Variants in SGCD observed in about 807,000 individuals in gnomAD.
SGCD encodes sarcoglycan delta, also known as delta-sarcoglycan.
A neutral mutation model predicts 36.6 loss-of-function variants in SGCD; 18 were observed. The observed-to-expected ratio is 0.49, with a 90% CI of 0.34 to 0.73. The LOEUF (loss-of-function observed/expected upper bound fraction) is 0.73, where lower values mean the gene tolerates loss of function less well. SGCD is among the 30% of genes least tolerant of loss of function. The pLI is 0.01. For synonymous variants in SGCD, 133 were observed against 130.6 expected (o/e 1.02, Z -0.12); for missense variants, 387 against 346.7 (o/e 1.12, Z -0.92).
chr5:156,278,103 T>A (rs901569150), intron 3 of SGCD, among the ~76,000 whole-genome samples: 1 of 152,130 alleles, frequency 6.6e-6, no homozygotes, highest in African/African-American at 2.4e-5. Context: ...GAGCCAATCA[T>A]GTGGAAATAA....
chr5:155,872,984 G>A (rs775700400), intron 1 of SGCD, among the ~76,000 whole-genome samples: 6 of 152,202 alleles, frequency 3.9e-5, no homozygotes, highest in Non-Finnish European at 7.3e-5. Flanking sequence ...CTTCACAGAA[G>A]CTAGTCTGGG....
chr5:156,153,653 A>G (rs569091157), intron 3 of SGCD, among the ~76,000 whole-genome samples: 1 of 151,752 alleles, frequency 6.6e-6, no homozygotes, highest in South Asian at 2.1e-4. Context: ...CTCCATTAGT[A>G]TCCCCTCCTT....
intron 3 of SGCD, among the ~76,000 whole-genome samples, chr5:156,350,942 T>C (rs1280456346): frequency 1.3e-5 from 2 of 152,198 alleles, no homozygotes; most frequent in Non-Finnish European, 2.9e-5. Context: ...TTTGACTTCC[T>C]GTCTCAACCT....
chr5:156,179,690 C>T (rs1050019230), intron 3 of SGCD, among the ~76,000 whole-genome samples: 3 of 148,898 alleles, frequency 2.0e-5, no homozygotes, highest in African/African-American at 2.5e-5. Context: ...GGCGTGATCT[C>T]GGCTCACTGG....
chr5:156,639,571 T>C (rs1234556623), intron 6 of SGCD, among the ~76,000 whole-genome samples: 1 of 152,328 alleles, frequency 6.6e-6, no homozygotes, highest in Middle Eastern at 3.4e-3. Flanking sequence ...ATTTCTCTTG[T>C]CAAAAGGTTG....
At chr5:156,590,793 C>G (rs189884856) in intron 5 of SGCD, among the ~76,000 whole-genome samples, 269 of 151,634 alleles carry the variant, frequency 1.8e-3, no homozygotes, top group African/African-American at 6.2e-3. Context: ...TCTGACACCC[C>G]TTTTCCCCTC....
intron 7 of SGCD, among the ~76,000 whole-genome samples, chr5:156,653,953 A>G (rs1476149024): frequency 2.0e-5 from 3 of 152,098 alleles, no homozygotes; most frequent in Non-Finnish European, 2.9e-5. Context: ...TCCATTCTTC[A>G]GTGGTAGCAA....
intron 2 of SGCD, among the ~76,000 whole-genome samples, chr5:156,336,468 G>A (rs558556193): frequency 2.8e-4 from 42 of 152,142 alleles, no homozygotes; most frequent in African/African-American, 1.0e-3. Context: ...CAACCTCCTC[G>A]CTATTTGTCT....
chr5:156,021,620 A>C (rs147117057), intron 1 of SGCD, among the ~76,000 whole-genome samples: 97 of 152,268 alleles, frequency 6.4e-4, no homozygotes, highest in African/African-American at 2.3e-3. Context: ...AGTCACATGA[A>C]AGCTGCAATG....
chr5:156,181,512 T>C (rs1213415193), intron 3 of SGCD, among the ~76,000 whole-genome samples: 1 of 152,200 alleles, frequency 6.6e-6, no homozygotes, highest in Non-Finnish European at 1.5e-5. Flanking sequence ...AGGGTACTAT[T>C]ACAATAGGGA....
chr5:155,847,688 C>T, the SGCD span, among the ~76,000 whole-genome samples: 1 of 152,124 alleles, frequency 6.6e-6, no homozygotes. Flanking sequence ...GAAGCTTAAA[C>T]CAGCCACTTG....
intron 3 of SGCD, among the ~76,000 whole-genome samples, chr5:156,405,809 C>T (rs912025010): frequency 6.6e-6 from 1 of 152,052 alleles, no homozygotes; most frequent in African/African-American, 2.4e-5. Flanking sequence ...GGCCTGGGGG[C>T]AGGACCACAG....
intron 1 of SGCD, among the ~76,000 whole-genome samples, chr5:156,045,173 G>A (rs1759733123): frequency 6.6e-6 from 1 of 152,124 alleles, no homozygotes; most frequent in African/African-American, 2.4e-5. Context: ...CCTGAGGACA[G>A]AGCCCTCATG....
At chr5:156,508,212 G>A (rs1756786625) in intron 3 of SGCD, among the ~76,000 whole-genome samples, 1 of 152,142 alleles carries the variant, frequency 6.6e-6, no homozygotes, top group African/African-American at 2.4e-5. Flanking sequence ...CAGACTGCCA[G>A]CTTGAAATCT....
At chr5:156,133,914 AACACACACACACACACACACACAC>A (rs70981997) in intron 3 of SGCD, among the ~76,000 whole-genome samples, 3 of 140,328 alleles carry the variant, frequency 2.1e-5, no homozygotes, top group Non-Finnish European at 3.1e-5. Flanking sequence ...GCCGGGTTAA[AACACACACACACACACACACACAC>A]ACACACACAC....
At chr5:156,655,707 G>A (rs574174465) in intron 7 of SGCD, among the ~76,000 whole-genome samples, 1 of 152,180 alleles carries the variant, frequency 6.6e-6, no homozygotes, top group South Asian at 2.1e-4. Context: ...ACCAGGCACT[G>A]TAACCATCCC....
At chr5:156,153,606 A>G (rs1396788059) in intron 3 of SGCD, among the ~76,000 whole-genome samples, 1 of 151,688 alleles carries the variant, frequency 6.6e-6, no homozygotes. Context: ...TAGTCTCATT[A>G]GAAATATACC....
chr5:156,398,280 G>A (rs1436652183), intron 3 of SGCD, among the ~76,000 whole-genome samples: 1 of 152,210 alleles, frequency 6.6e-6, no homozygotes, highest in Non-Finnish European at 1.5e-5. Flanking sequence ...GGAAAAAGCA[G>A]TGGAAAACCC....
chr5:156,237,247 A>G (rs1765189593), intron 3 of SGCD, among the ~76,000 whole-genome samples: 2 of 152,322 alleles, frequency 1.3e-5, no homozygotes, highest in Non-Finnish European at 2.9e-5. Flanking sequence ...AAGTCAACCA[A>G]AATCATAGGT....
Sources: gnomAD v4.1 joint callset for allele counts (sites outside exome capture counted in the v4.1 genomes callset) on GRCh38, gnomAD v4.1.1 for gene constraint, MANE v1.5 for transcripts, NCBI Gene and HGNC (gene_info 2026-07-23, HGNC 2026-07-21) for gene names.